CTBP2: variants seen among roughly 807,000 people sequenced by gnomAD.
The protein encoded by CTBP2 is C-terminal-binding protein 2.
A neutral mutation model predicts 80.3 loss-of-function variants in CTBP2; 30 were observed. The observed-to-expected ratio is 0.37, with a 90% CI of 0.28 to 0.51. The LOEUF (loss-of-function observed/expected upper bound fraction) is 0.51. Among genes scored for constraint, CTBP2 ranks in the 20% least tolerant of loss-of-function variants. The pLI, the probability that CTBP2 is intolerant of heterozygous loss-of-function variation, is 0.93. For synonymous variants in CTBP2, 594 were observed against 587.4 expected (o/e 1.01, Z -0.16); for missense variants, 1,212 against 1,375.3 (o/e 0.88, Z 1.88).
chr10:125,087,815 C>T (rs527482766), intron 2 of CTBP2, among the ~76,000 whole-genome samples: 1 of 152,246 alleles, frequency 6.6e-6, no homozygotes, highest in Non-Finnish European at 1.5e-5. Context: ...CACTGGTGGA[C>T]AGCTTATGTG....
At chr10:125,161,162 A>C (rs1861862269), upstream of CTBP2, 5 of 151,174 alleles carry the variant, frequency 3.3e-5, no homozygotes, top group South Asian at 8.4e-4. Context: ...CCTCACTACA[A>C]ATCGGCTCTC....
intron 2 of CTBP2, among the ~76,000 whole-genome samples, chr10:125,084,320 G>A (rs1264883506): frequency 6.6e-6 from 1 of 151,970 alleles, no homozygotes; most frequent in Non-Finnish European, 1.5e-5. Flanking sequence ...TCTCAGGGAA[G>A]AAGCTGCACG....
intron 2 of CTBP2, among the ~76,000 whole-genome samples, chr10:125,093,781 G>A (rs574018808): frequency 2.0e-5 from 3 of 152,308 alleles, no homozygotes; most frequent in South Asian, 2.1e-4. Context: ...CACAGAACGC[G>A]CGCAACCGTG....
chr10:125,017,438 G>A (rs984001516), intron 1 of CTBP2, among the ~76,000 whole-genome samples: 10 of 152,186 alleles, frequency 6.6e-5, no homozygotes, highest in African/African-American at 2.2e-4. Flanking sequence ...GAAGCTCAGA[G>A]CAGAATTCCC....
chr10:125,040,935 C>A (rs988716016), intron 2 of CTBP2, among the ~76,000 whole-genome samples: 2 of 152,208 alleles, frequency 1.3e-5, no homozygotes, highest in Non-Finnish European at 2.9e-5. Context: ...CCCTGAGATA[C>A]CAAACCCTTT....
intron 2 of CTBP2, among the ~76,000 whole-genome samples, chr10:125,096,007 C>G (rs1231356481): frequency 6.6e-6 from 1 of 151,986 alleles, no homozygotes; most frequent in Non-Finnish European, 1.5e-5. Context: ...GAACTGTACA[C>G]CCAAAGGCAA....
chr10:124,992,860 G>A, intron 7 of CTBP2, 48 bp from the exon 10 acceptor site: 1 of 1,442,818 alleles, frequency 6.9e-7, no homozygotes, highest in Non-Finnish European at 9.6e-7. Flanking sequence ...ACAAATCACA[G>A]TAAGTTCAAC....
At chr10:125,011,315 A>G (rs1200891306) in intron 1 of CTBP2, among the ~76,000 whole-genome samples, 1 of 152,236 alleles carries the variant, frequency 6.6e-6, no homozygotes, top group Non-Finnish European at 1.5e-5. Flanking sequence ...TAAAACATGT[A>G]TCTGAATGAG....
intron 4 of CTBP2, chr10:124,996,552 A>G (rs544036931): frequency 6.6e-6 from 1 of 152,430 alleles, no homozygotes; most frequent in East Asian, 1.9e-4. Flanking sequence ...ACTGACCTCT[A>G]TACACCGAGA....
At chr10:125,023,914 G>A (rs895989722) in intron 1 of CTBP2, among the ~76,000 whole-genome samples, 9 of 152,212 alleles carry the variant, frequency 5.9e-5, no homozygotes, top group African/African-American at 1.7e-4. Flanking sequence ...CCAGAAGGGC[G>A]TTCCTTGTCC....
upstream of CTBP2, among the ~76,000 whole-genome samples, chr10:125,028,848 C>T (rs533764296): frequency 5.3e-5 from 8 of 152,344 alleles, no homozygotes; most frequent in South Asian, 1.7e-3. Flanking sequence ...TTTCCATATT[C>T]ACATGGATTA....
chr10:125,144,035 A>T lies in CTBP2; in HGVS notation c.-206+16284T>A, dbSNP rs144046140. ...GACGCTCCCCAGAAAGCAGTCACTCAAACCAAGAAGAGCAATTCCTTTCTG... is the reference window on the plus strand; with the variant it reads ...GACGCTCCCCAGAAAGCAGTCACTCTAACCAAGAAGAGCAATTCCTTTCTG... On this transcript the variant is annotated intron_variant, in intron 1 of 10. Coordinates refer to the CTBP2 transcript ENST00000337195. Among the ~76,000 whole-genome samples, 1,192 of 152,300 alleles carry T rather than the reference A, an allele frequency of 7.8e-3. 22 individuals are homozygous for T. The highest frequency in any genetic ancestry group is 0.041 in the Admixed American group (634 of 15,290).
chr10:124,996,881 G>C (rs765830041), intron 4 of CTBP2: 10 of 152,228 alleles, frequency 6.6e-5, no homozygotes, highest in Non-Finnish European at 1.0e-4. Context: ...CCTTTCAGAA[G>C]ATCCCCAGCA....
chr10:125,156,959 G>C (rs1360641244), intron 1 of CTBP2, among the ~76,000 whole-genome samples: 2 of 152,136 alleles, frequency 1.3e-5, no homozygotes, highest in African/African-American at 4.8e-5. Flanking sequence ...ACAATGGCAG[G>C]GAAAGCACAC....
chr10:125,130,839 C>T (rs374430334), intron 1 of CTBP2, among the ~76,000 whole-genome samples: 5 of 152,152 alleles, frequency 3.3e-5, no homozygotes, highest in East Asian at 1.9e-4. Flanking sequence ...TGCCAAGCAT[C>T]GCCCCCTCAT....
chr10:125,005,776 C>T (rs746441459), intron 1 of CTBP2: 1 of 1,612,916 alleles, frequency 6.2e-7, no homozygotes, highest in Non-Finnish European at 8.5e-7. Flanking sequence ...TCTGAGCGCA[C>T]AACCCTGTGG....
intron 2 of CTBP2, among the ~76,000 whole-genome samples, chr10:125,072,824 C>A (rs898438438): frequency 6.6e-6 from 1 of 151,980 alleles, no homozygotes; most frequent in African/African-American, 2.4e-5. Flanking sequence ...CCTGCAGGCT[C>A]AAATCAAGTA....
rs752883452 is a variant in CTBP2 at position 124,984,837 on chromosome 10, G to C, written c.*4681C>G. 1.9e-5 allele frequency: 31 copies of C among 1,613,878 alleles called. No homozygotes were observed. Among genetic ancestry groups the C allele is most frequent in the East Asian group, 6.7e-5 (3 of 44,890 alleles). ...GTGGCTGGACTGCTGTGTGACGGAGGGGGGAGTTCTGGTTGCCATGCAGAA... is the reference window on the plus strand; with the variant it reads ...GTGGCTGGACTGCTGTGTGACGGAGCGGGGAGTTCTGGTTGCCATGCAGAA... On this transcript the variant is annotated 3_prime_UTR_variant, in exon 9 of 9. Coordinates refer to ENST00000309035, the MANE Select transcript of CTBP2 (RefSeq NM_022802.3).
chr10:125,128,794 AG>A (rs1855681077), intron 1 of CTBP2, among the ~76,000 whole-genome samples: 4 of 152,270 alleles, frequency 2.6e-5, no homozygotes, highest in Non-Finnish European at 5.9e-5. Flanking sequence ...TTCCATTTCT[AG>A]GAACTTACCC....
Sources: allele counts gnomAD v4.1 joint callset (sites outside exome capture counted in the v4.1 genomes callset), GRCh38; gene constraint gnomAD v4.1.1; transcripts MANE v1.5; gene names NCBI Gene and HGNC (gene_info 2026-07-23, HGNC 2026-07-21).